The following DGKH variants were observed in gnomAD, a reference collection of about 807,000 sequenced individuals.
DGKH encodes the protein DAG kinase eta.
Under a neutral mutation model 159.3 loss-of-function variants are expected in DGKH, and 90 were observed. That is an observed-to-expected ratio of 0.57 (90% CI 0.48 to 0.67). DGKH has a LOEUF of 0.67. Among genes scored for constraint, DGKH ranks in the 30% least tolerant of loss-of-function variants. The probability of loss-of-function intolerance (pLI) is 0.00; values close to 1 mark genes in which losing one functional copy is unlikely to be tolerated. For missense variants in DGKH, 1,181 were observed against 1,506.1 expected (o/e 0.78, Z 3.57); for synonymous variants, 536 against 553.8 (o/e 0.97, Z 0.45).
chr13:42,215,158 GTTTTT>G (rs201405435), intron 25 of DGKH, among the ~76,000 whole-genome samples: 1 of 147,382 alleles, frequency 6.8e-6, no homozygotes, highest in African/African-American at 2.5e-5. Context: ...AACTGATAGC[GTTTTT>G]TTTTTTAATT....
intron 29 of DGKH, among the ~76,000 whole-genome samples, chr13:42,227,889 A>G (rs1958174750): frequency 6.6e-6 from 1 of 152,204 alleles, no homozygotes; most frequent in Admixed American, 6.5e-5. Context: ...TAAATAAATT[A>G]TAAAACAGGG....
intron 1 of DGKH, 80 bp downstream of exon 1, chr13:42,049,045 G>T: frequency 8.4e-7 from 1 of 1,192,416 alleles, no homozygotes; most frequent in Non-Finnish European, 1.0e-6. Context: ...AACGCGCCGG[G>T]CGATCCCGGG....
At chr13:42,102,274 G>A (rs552750354) in intron 1 of DGKH, among the ~76,000 whole-genome samples, 4 of 152,266 alleles carry the variant, frequency 2.6e-5, no homozygotes, top group African/African-American at 9.6e-5. Flanking sequence ...AGCTACACCT[G>A]CCTGGCTGGC....
intron 1 of DGKH, among the ~76,000 whole-genome samples, chr13:42,111,780 A>G (rs1192348161): frequency 1.3e-5 from 2 of 152,214 alleles, no homozygotes; most frequent in Non-Finnish European, 2.9e-5. Flanking sequence ...CATTCCCTCA[A>G]TTAGGTCTCG....
At chr13:42,109,517 T>C (rs625202) in intron 1 of DGKH, among the ~76,000 whole-genome samples, 4,409 of 152,246 alleles carry the variant, frequency 0.029, 209 homozygotes, top group African/African-American at 0.1. Context: ...TAGATTTTTT[T>C]GGCAAATGAT....
At chr13:42,172,063 C>CAG (rs1566156263) in intron 11 of DGKH, among the ~76,000 whole-genome samples, 1 of 151,926 alleles carries the variant, frequency 6.6e-6, no homozygotes, top group African/African-American at 2.4e-5. Context: ...CTCCTGACCT[C>CAG]GTGATCCGCC....
At chr13:42,207,123 C>CTCTTTCCTTCCT (rs1298746637) in intron 21 of DGKH, among the ~76,000 whole-genome samples, 3 of 52,242 alleles carry the variant, frequency 5.7e-5, no homozygotes. Flanking sequence ...CTCTTTCTCT[C>CTCTTTCCTTCCT]TCCTTCCTTC....
rs977882881 is a variant in DGKH, at chr13:42,174,158, C to G, written c.1452+14C>G. On this transcript the variant is annotated intron_variant, in intron 12 of 29. Transcript: ENST00000337343. Reference sequence around the variant, plus strand: ...GAAGAATTTTATGTAAGACTTAACCCTTTACCTATCATTTGAAATGGGGGT... The same window carrying G: ...GAAGAATTTTATGTAAGACTTAACCGTTTACCTATCATTTGAAATGGGGGT... 1.3e-6 allele frequency: 2 copies of G among 1,586,374 alleles called. No homozygotes were observed. Among genetic ancestry groups the G allele is most frequent in the African/African-American group, 2.7e-5 (2 of 73,626 alleles).
chr13:42,114,822 G>A (rs556984973), intron 1 of DGKH, among the ~76,000 whole-genome samples: 1 of 152,248 alleles, frequency 6.6e-6, no homozygotes, highest in South Asian at 2.1e-4. Context: ...TATCCAAATA[G>A]AAGCATTAGG....
chr13:42,138,778 A>C (rs1216287947), intron 3 of DGKH, among the ~76,000 whole-genome samples: 6 of 152,204 alleles, frequency 3.9e-5, no homozygotes, highest in African/African-American at 1.4e-4. Flanking sequence ...CATAATTTTT[A>C]GATGACTGAT....
chr13:42,205,238 A>G (rs1957434787), intron 20 of DGKH, among the ~76,000 whole-genome samples: 1 of 152,202 alleles, frequency 6.6e-6, no homozygotes, highest in Non-Finnish European at 1.5e-5. Context: ...CATAAAATGT[A>G]TGTAACATAA....
intron 29 of DGKH, among the ~76,000 whole-genome samples, chr13:42,228,831 T>A (rs1958215188): frequency 6.6e-6 from 1 of 151,942 alleles, no homozygotes; most frequent in African/African-American, 2.4e-5. Context: ...AGAATGTGAT[T>A]TTTTTTTGTA....
At chr13:42,121,542 C>T (rs1239573507) in intron 1 of DGKH, among the ~76,000 whole-genome samples, 4 of 152,180 alleles carry the variant, frequency 2.6e-5, no homozygotes, top group Admixed American at 2.6e-4. Context: ...CTCCCGGACT[C>T]CAAGGAGTTT....
downstream of DGKH, among the ~76,000 whole-genome samples, chr13:42,243,441 C>T (rs1256671400): frequency 6.6e-6 from 1 of 152,124 alleles, no homozygotes; most frequent in African/African-American, 2.4e-5. Context: ...TTCACCTCCC[C>T]CAAAAAACCA....
intron 1 of DGKH, among the ~76,000 whole-genome samples, chr13:42,056,743 A>G (rs1187549223): frequency 6.6e-6 from 1 of 152,118 alleles, no homozygotes; most frequent in Non-Finnish European, 1.5e-5. Flanking sequence ...ACTTTAATCT[A>G]CAGCATGCAA....
intron 29 of DGKH, among the ~76,000 whole-genome samples, chr13:42,250,603 TTATAAATTAATA>T: frequency 6.6e-6 from 1 of 152,278 alleles, no homozygotes; most frequent in Non-Finnish European, 1.5e-5. Context: ...TGCAGTCACA[TTATAAATTAATA>T]ACAAAAAATC....
upstream of DGKH, among the ~76,000 whole-genome samples, chr13:42,046,890 T>TTTTGA (rs150535801): frequency 6.6e-6 from 1 of 152,362 alleles, no homozygotes; most frequent in African/African-American, 2.4e-5. Flanking sequence ...AAGACTAAAC[T>TTTTGA]AAGTTTATTC....
At chr13:42,146,906 G>C (rs2137913067) in intron 3 of DGKH, among the ~76,000 whole-genome samples, 1 of 152,276 alleles carries the variant, frequency 6.6e-6, no homozygotes, top group African/African-American at 2.4e-5. Context: ...TGCCTATTCA[G>C]AATTTTAAAA....
intron 1 of DGKH, among the ~76,000 whole-genome samples, chr13:42,042,565 T>C (rs1418040320): frequency 1.3e-5 from 2 of 152,230 alleles, no homozygotes; most frequent in African/African-American, 4.8e-5. Context: ...TTATTTTCTT[T>C]AAACACTGAA....
Sources: gnomAD v4.1 joint callset for allele counts (sites outside exome capture counted in the v4.1 genomes callset) on GRCh38, gnomAD v4.1.1 for gene constraint, MANE v1.5 for transcripts, NCBI Gene and HGNC (gene_info 2026-07-23, HGNC 2026-07-21) for gene names.